NRXN3: variants seen among roughly 807,000 people sequenced by gnomAD.
NRXN3 encodes the protein neurexin III.
Under a neutral mutation model 137.6 loss-of-function variants are expected in NRXN3, and 32 were observed. That is an observed-to-expected ratio of 0.23 (90% CI 0.18 to 0.31). NRXN3 has a LOEUF of 0.31. Among genes scored for constraint, NRXN3 ranks in the 10% least tolerant of loss-of-function variants. The pLI is 1.00. For missense variants in NRXN3, 1,574 were observed against 2,062.5 expected, an observed-to-expected ratio of 0.76 and a Z score of 4.59; for synonymous variants, 798 against 784.5, an observed-to-expected ratio of 1.02 and a Z score of -0.29.
At chr14:78,572,760 C>G (rs1472967862) in intron 4 of NRXN3, among the ~76,000 whole-genome samples, 2 of 152,172 alleles carry the variant, frequency 1.3e-5, no homozygotes, top group East Asian at 3.9e-4. Context: ...CTTTCAGAGG[C>G]TATGCTTCTT....
intron 4 of NRXN3, among the ~76,000 whole-genome samples, chr14:78,507,007 T>G (rs1371141112): frequency 6.6e-6 from 1 of 152,192 alleles, no homozygotes; most frequent in East Asian, 1.9e-4. Context: ...TTATATATTT[T>G]GGGAATTATC....
chr14:78,688,629 T>C (rs1174759586), intron 6 of NRXN3, among the ~76,000 whole-genome samples: 1 of 152,002 alleles, frequency 6.6e-6, no homozygotes, highest in Non-Finnish European at 1.5e-5. Flanking sequence ...GTCAAGAAGA[T>C]AGGTGGTCAG....
chr14:78,480,417 G>A (rs1427272967), intron 4 of NRXN3, among the ~76,000 whole-genome samples: 1 of 152,152 alleles, frequency 6.6e-6, no homozygotes. Flanking sequence ...AGATTCCCAA[G>A]TCAGAGCTCC....
At chr14:78,290,942 T>C (rs2075748951) in intron 3 of NRXN3, among the ~76,000 whole-genome samples, 1 of 152,166 alleles carries the variant, frequency 6.6e-6, no homozygotes, top group South Asian at 2.1e-4. Context: ...TTTATGCCAC[T>C]AGATAACTTG....
At chr14:79,094,188 GT>G (rs754129893) in intron 15 of NRXN3, among the ~76,000 whole-genome samples, 5 of 152,200 alleles carry the variant, frequency 3.3e-5, no homozygotes, top group Non-Finnish European at 5.9e-5. Flanking sequence ...ACATGGCAGA[GT>G]TACAGGATTA....
intron 10 of NRXN3, among the ~76,000 whole-genome samples, chr14:78,892,212 G>T (rs931777436): frequency 2.0e-5 from 3 of 152,014 alleles, no homozygotes; most frequent in African/African-American, 7.2e-5. Context: ...ACTGGGCACA[G>T]GAACGCTTTA....
chr14:79,347,271 A>G (rs1481206089), intron 15 of NRXN3, among the ~76,000 whole-genome samples: 1 of 152,122 alleles, frequency 6.6e-6, no homozygotes, highest in East Asian at 1.9e-4. Context: ...TTAAATAAAA[A>G]CTAGAAATAA....
chr14:79,507,629 T>G (rs1481544151), intron 16 of NRXN3, among the ~76,000 whole-genome samples: 1 of 152,166 alleles, frequency 6.6e-6, no homozygotes, highest in Admixed American at 6.5e-5. Context: ...GGCAGGACCT[T>G]AGCACATGGT....
rs146018137 is a variant in NRXN3 at position 78,342,334 on chromosome 14, G to A, written c.757+44474G>A. The stretch of plus-strand genomic sequence containing the variant: ...TGTTCTGTACTTTTAGGGAGGCATT[G>A]TTATAGGGAATACAAGCACAGGGTT... On this transcript the variant is annotated intron_variant, in intron 4 of 20. Transcript: ENST00000335750. Among the ~76,000 whole-genome samples the A allele has an allele frequency of 3.6e-3, 541 of 152,300 alleles. 5 individuals carry two copies. Among genetic ancestry groups the A allele is most frequent in the African/African-American group, 0.013 (523 of 41,562 alleles).
At chr14:78,601,021 CTT>C (rs2097197366) in intron 4 of NRXN3, among the ~76,000 whole-genome samples, 1 of 152,170 alleles carries the variant, frequency 6.6e-6, no homozygotes, top group Non-Finnish European at 1.5e-5. Flanking sequence ...TCCATGTCTA[CTT>C]TACTGCCCTA....
At chr14:79,726,288 A>C (rs2098888864) in intron 19 of NRXN3, among the ~76,000 whole-genome samples, 1 of 152,218 alleles carries the variant, frequency 6.6e-6, no homozygotes, top group Non-Finnish European at 1.5e-5. Flanking sequence ...GCACCTGGGT[A>C]ATAACTACCT....
At chr14:78,349,077 G>A (rs1304313318) in intron 4 of NRXN3, among the ~76,000 whole-genome samples, 1 of 152,196 alleles carries the variant, frequency 6.6e-6, no homozygotes, top group African/African-American at 2.4e-5. Context: ...CCTGGAATGA[G>A]CATTTACCAT....
At chr14:79,006,721 T>G (rs538306101) in intron 15 of NRXN3, among the ~76,000 whole-genome samples, 3 of 152,180 alleles carry the variant, frequency 2.0e-5, no homozygotes, top group African/African-American at 7.2e-5. Context: ...CTTAATAATA[T>G]AATATCATAT....
chr14:78,518,837 T>A (rs1350900792), intron 4 of NRXN3, among the ~76,000 whole-genome samples: 1 of 152,070 alleles, frequency 6.6e-6, no homozygotes, highest in Non-Finnish European at 1.5e-5. Flanking sequence ...AACAAAGAAC[T>A]ACTCGTTCTG....
chr14:79,291,850 C>T (rs961557612), intron 15 of NRXN3, among the ~76,000 whole-genome samples: 1 of 151,678 alleles, frequency 6.6e-6, no homozygotes, highest in Non-Finnish European at 1.5e-5. Context: ...TTAAAAGGAC[C>T]TCTTAGGGTC....
intron 6 of NRXN3, among the ~76,000 whole-genome samples, chr14:78,681,420 G>A (rs560679048): frequency 4.7e-4 from 71 of 152,152 alleles, no homozygotes; most frequent in Non-Finnish European, 8.1e-4. Context: ...TAGGAATCGG[G>A]ATTGGGATTT....
intron 15 of NRXN3, among the ~76,000 whole-genome samples, chr14:79,211,589 T>G (rs1400016523): frequency 6.6e-6 from 1 of 152,164 alleles, no homozygotes; most frequent in Non-Finnish European, 1.5e-5. Context: ...GTTAAACAGC[T>G]CATAAGGGAT....
At chr14:78,945,013 T>A (rs1477936872) in intron 10 of NRXN3, among the ~76,000 whole-genome samples, 3 of 152,140 alleles carry the variant, frequency 2.0e-5, no homozygotes, top group Non-Finnish European at 4.4e-5. Context: ...CTCTGAACAA[T>A]CTGAAAGTTA....
intron 19 of NRXN3, among the ~76,000 whole-genome samples, chr14:79,774,336 A>G (rs1243574224): frequency 1.3e-5 from 2 of 152,152 alleles, no homozygotes; most frequent in Non-Finnish European, 2.9e-5. Context: ...AAATAGAAAG[A>G]GCAAGTCAAT....
Sources: gnomAD v4.1 joint callset for allele counts (sites outside exome capture counted in the v4.1 genomes callset) on GRCh38, gnomAD v4.1.1 for gene constraint, MANE v1.5 for transcripts, NCBI Gene and HGNC (gene_info 2026-07-23, HGNC 2026-07-21) for gene names.